The following KLF8 variants were observed in gnomAD, a reference collection of about 807,000 sequenced individuals.
KLF8 encodes the protein Krueppel-like factor 8.
Under a neutral mutation model 18.2 loss-of-function variants are expected in KLF8, and 10 were observed. The observed-to-expected ratio is 0.55, with a 90% CI of 0.34 to 0.93. KLF8 has a LOEUF of 0.93. KLF8 is among the 40% of genes least tolerant of loss of function. The probability of loss-of-function intolerance (pLI) is 0.02; values close to 1 mark genes in which losing one functional copy is unlikely to be tolerated. For missense variants in KLF8, 264 were observed against 277.9 expected (o/e 0.95, Z 0.36); for synonymous variants, 109 against 97.3 (o/e 1.12, Z -0.71).
the KLF8 span, among the ~76,000 whole-genome samples, chrX:56,036,219 A>G: frequency 2.7e-5 from 3 of 111,801 alleles, no homozygotes; most frequent in Admixed American, 1.9e-4. Context: ...CATCTCATCT[A>G]TGCTTTTGAG....
chrX:56,137,848 A>C, the KLF8 span, among the ~76,000 whole-genome samples: 1 of 109,569 alleles, frequency 9.1e-6, no homozygotes, highest in Non-Finnish European at 1.9e-5. Flanking sequence ...AGAAATAACC[A>C]AACTGGGTTT....
the KLF8 span, among the ~76,000 whole-genome samples, chrX:56,053,533 G>A: frequency 2.1e-5 from 1 of 48,742 alleles, no homozygotes; most frequent in African/African-American, 7.6e-5. Context: ...TTAGGGAGAA[G>A]TCTTTTCTTT....
At chrX:56,056,552 A>G in the KLF8 span, among the ~76,000 whole-genome samples, 1 of 100,596 alleles carries the variant, frequency 9.9e-6, no homozygotes, top group Admixed American at 1.1e-4. Context: ...TGCAAGAACA[A>G]AAAACCAAAC....
chrX:56,241,901 T>C (rs1255010548), intron 1 of KLF8, among the ~76,000 whole-genome samples: 1 of 112,552 alleles, frequency 8.9e-6, no homozygotes, highest in African/African-American at 3.2e-5. Context: ...TATGTTTCTA[T>C]AATACCTTTA....
chrX:56,184,472 A>G, the KLF8 span, among the ~76,000 whole-genome samples: 17 of 112,690 alleles, frequency 1.5e-4, no homozygotes, highest in Admixed American at 1.6e-3. Flanking sequence ...AGACAGCAGT[A>G]ACCTTGGCAG....
At chrX:56,071,023 C>G in the KLF8 span, among the ~76,000 whole-genome samples, 1 of 111,613 alleles carries the variant, frequency 9.0e-6, no homozygotes, top group African/African-American at 3.3e-5. Context: ...TTTTTCAAAG[C>G]AGGCTGAAGT....
the KLF8 span, among the ~76,000 whole-genome samples, chrX:56,194,777 T>C: frequency 8.9e-6 from 1 of 112,160 alleles, no homozygotes; most frequent in Admixed American, 9.4e-5. Context: ...GACCCCCATG[T>C]AAACTAACTA....
At chrX:55,963,224 C>T in the KLF8 span, among the ~76,000 whole-genome samples, 7 of 112,005 alleles carry the variant, frequency 6.2e-5, no homozygotes, top group African/African-American at 2.3e-4. Context: ...GCCTTACCAT[C>T]ACCTTTCTCA....
chrX:56,032,514 C>G, the KLF8 span, among the ~76,000 whole-genome samples: 1 of 111,820 alleles, frequency 8.9e-6, no homozygotes, highest in African/African-American at 3.3e-5. Context: ...CAGCCTTTAT[C>G]AACTACTGAT....
At chrX:55,925,918 A>T in the KLF8 span, among the ~76,000 whole-genome samples, 1 of 111,960 alleles carries the variant, frequency 8.9e-6, no homozygotes, top group Non-Finnish European at 1.9e-5. Context: ...GGTACATGAG[A>T]TATTTTGGTA....
chrX:56,138,049 A>AC, the KLF8 span, among the ~76,000 whole-genome samples: 1 of 104,009 alleles, frequency 9.6e-6, no homozygotes, highest in African/African-American at 3.4e-5. Context: ...AGAAATACAA[A>AC]AAAAAAAAAA....
the KLF8 span, among the ~76,000 whole-genome samples, chrX:56,155,308 A>T: frequency 9.0e-6 from 1 of 111,436 alleles, no homozygotes; most frequent in Non-Finnish European, 1.9e-5. Context: ...CTTTAAAGGG[A>T]CATGCATGAA....
the KLF8 span, among the ~76,000 whole-genome samples, chrX:56,227,274 G>A: frequency 9.0e-6 from 1 of 111,557 alleles, no homozygotes; most frequent in Middle Eastern, 4.7e-3. Context: ...TGATAAAAAA[G>A]TTCCTGTTCT....
At chrX:55,928,309 A>C in the KLF8 span, among the ~76,000 whole-genome samples, 1 of 111,581 alleles carries the variant, frequency 9.0e-6, no homozygotes, top group East Asian at 2.8e-4. Flanking sequence ...AACATTGACC[A>C]TTTGGTTAAG....
the KLF8 span, among the ~76,000 whole-genome samples, chrX:56,051,367 T>C: frequency 9.0e-6 from 1 of 110,954 alleles, no homozygotes; most frequent in Non-Finnish European, 1.9e-5. Flanking sequence ...CTAGTCTCGA[T>C]GGTCTTTACA....
At chrX:55,910,463 C>T in the KLF8 span, among the ~76,000 whole-genome samples, 4 of 111,113 alleles carry the variant, frequency 3.6e-5, no homozygotes, top group Non-Finnish European at 5.7e-5. Flanking sequence ...GGGAGCCAGC[C>T]GTGAGAATAC....
At chrX:56,204,124 A>G in the KLF8 span, among the ~76,000 whole-genome samples, 2 of 111,330 alleles carry the variant, frequency 1.8e-5, no homozygotes, top group African/African-American at 3.3e-5. Flanking sequence ...AGTTTTTATA[A>G]TAGAGTTTTC....
At chrX:56,251,042 A>G (rs2066702937) in intron 2 of KLF8, among the ~76,000 whole-genome samples, 2 of 112,915 alleles carry the variant, frequency 1.8e-5, no homozygotes, top group Non-Finnish European at 3.7e-5. Context: ...TCACAGAAAC[A>G]TCTAGAATAA....
the KLF8 span, among the ~76,000 whole-genome samples, chrX:56,167,805 C>T: frequency 8.9e-6 from 1 of 112,208 alleles, no homozygotes; most frequent in Admixed American, 9.5e-5. Context: ...TTTTGTAGAA[C>T]CACATTCTAA....
Sources: gnomAD v4.1 joint callset for allele counts (sites outside exome capture counted in the v4.1 genomes callset) on GRCh38, gnomAD v4.1.1 for gene constraint, MANE v1.5 for transcripts, NCBI Gene and HGNC (gene_info 2026-07-23, HGNC 2026-07-21) for gene names.